Variants in TBPL1 observed in about 807,000 individuals in gnomAD.
TBPL1 encodes the protein TATA-box binding protein like 1, also known as TATA box-binding protein-like 1.
Under a neutral mutation model 22.1 loss-of-function variants are expected in TBPL1, and 4 were observed. That is an observed-to-expected ratio of 0.18 (90% CI 0.09 to 0.41). TBPL1 has a LOEUF of 0.41. TBPL1 is among the 10% of genes least tolerant of loss of function. The probability of loss-of-function intolerance (pLI) is 1.00; values close to 1 mark genes in which losing one functional copy is unlikely to be tolerated. For synonymous variants in TBPL1, 64 were observed against 71.0 expected (o/e 0.90, Z 0.50); for missense variants, 115 against 222.3 (o/e 0.52, Z 3.07).
At chr6:133,975,003 T>C (rs1358481903) in intron 1 of TBPL1, among the ~76,000 whole-genome samples, 14 of 152,110 alleles carry the variant, frequency 9.2e-5, no homozygotes, top group Admixed American at 9.2e-4. Context: ...GAAAAGACAG[T>C]TAAAAACTAA....
chr6:133,974,386 T>A (rs867545578), intron 1 of TBPL1, among the ~76,000 whole-genome samples: 2 of 152,216 alleles, frequency 1.3e-5, no homozygotes, highest in Admixed American at 6.5e-5. Flanking sequence ...CAGGTTGGAG[T>A]GCAGTGGCGC....
At position 133,987,551 on chromosome 6, in the gene TBPL1, ACTT is replaced by A. The variant is rs1313872290; in HGVS notation, c.*515_*517del. 6.6e-6 allele frequency: 1 copy of A among 152,084 alleles called. No individual in the cohort carries two copies. The highest frequency in any genetic ancestry group is 6.6e-5 in the Admixed American group (1 of 15,192). 9.4% of individuals were successfully genotyped at this position (152,084 alleles called of 1,614,324 possible). ...CTATTTTAACAAAAATTGTATTCAT[ACTT>A]CTTTTTTTTAAAATCTATGCAAGCT... On this transcript the variant is annotated 3_prime_UTR_variant, in exon 7 of 7. Transcript: ENST00000237264.
chr6:133,981,989 A>AT (rs1776421754), intron 2 of TBPL1, among the ~76,000 whole-genome samples: 1 of 152,220 alleles, frequency 6.6e-6, no homozygotes, highest in African/African-American at 2.4e-5. Flanking sequence ...GAACTTGAGT[A>AT]TGTAATAAGC....
intron 1 of TBPL1, among the ~76,000 whole-genome samples, chr6:133,977,292 T>C (rs538033827): frequency 7.2e-5 from 11 of 152,326 alleles, no homozygotes; most frequent in East Asian, 3.9e-4. Context: ...ATTATAAAAA[T>C]ATGAATACTT....
In TBPL1 at chr6:133,984,485, T is replaced by G; in HGVS notation, c.386+6T>G. On this transcript the variant is annotated splice_donor_region_variant and intron_variant, in intron 5 of 6. Transcript: ENST00000237264. ...AACAATAGACCTCATGCCAGGTAAG[T>G]CTTTGAAGCAATTTATCTTGAGAAA... 1 of 1,613,200 alleles carries G rather than the reference T, an allele frequency of 6.2e-7. No homozygotes were observed. The highest frequency in any genetic ancestry group is 8.5e-7 in the Non-Finnish European group (1 of 1,179,520).
chr6:133,955,003 AGT>A (rs1346323204), intron 1 of TBPL1, among the ~76,000 whole-genome samples: 2 of 152,186 alleles, frequency 1.3e-5, no homozygotes, highest in Admixed American at 1.3e-4. Context: ...CAGGATGCAA[AGT>A]GTGAACATTG....
chr6:133,955,271 G>A (rs1026054739), intron 1 of TBPL1, among the ~76,000 whole-genome samples: 1 of 149,454 alleles, frequency 6.7e-6, no homozygotes, highest in African/African-American at 2.5e-5. Flanking sequence ...GTTTGAGTGA[G>A]GGTCAAGCCC....
chr6:133,979,773 A>G (rs1180806479), intron 1 of TBPL1, among the ~76,000 whole-genome samples: 1 of 151,948 alleles, frequency 6.6e-6, no homozygotes, highest in Non-Finnish European at 1.5e-5. Context: ...CAGCCTCCCT[A>G]GTAGCTGGGA....
Position 133,960,351 on chromosome 6 carries a change from A to T in TBPL1, c.-45+6926A>T, listed in dbSNP as rs149743102. On this transcript the variant is annotated intron_variant, in intron 1 of 6. Coordinates refer to ENST00000237264, the MANE Select transcript of TBPL1 (RefSeq NM_004865.4). ...GGATGCTGAGTGGCTCAACAGATTA[A>T]AAAGCTATATTGCTAATGGAAATCT... Among the ~76,000 whole-genome samples, 1,272 of 152,052 alleles carry T rather than the reference A, an allele frequency of 8.4e-3. 37 individuals carry two copies. Among genetic ancestry groups the T allele is most frequent in the Admixed American group, 0.062 (942 of 15,272 alleles).
chr6:133,964,261 C>T (rs972491005), intron 1 of TBPL1, among the ~76,000 whole-genome samples: 6 of 152,038 alleles, frequency 3.9e-5, no homozygotes, highest in Admixed American at 6.6e-5. Flanking sequence ...TTTTGAGTGA[C>T]GCACCCTTCA....
At chr6:133,972,589 A>C (rs1246791704) in intron 1 of TBPL1, among the ~76,000 whole-genome samples, 3 of 152,194 alleles carry the variant, frequency 2.0e-5, no homozygotes, top group Non-Finnish European at 4.4e-5. Flanking sequence ...ACACACGGGC[A>C]TGGCTGTGTT....
chr6:133,986,083 A>G (rs926154724), intron 6 of TBPL1: 7 of 152,356 alleles, frequency 4.6e-5, no homozygotes, highest in Non-Finnish European at 8.8e-5. Flanking sequence ...GATCAGGAAT[A>G]GCCTATGAAA....
chr6:133,959,483 C>T (rs1775984348), intron 1 of TBPL1, among the ~76,000 whole-genome samples: 2 of 151,894 alleles, frequency 1.3e-5, no homozygotes, highest in South Asian at 4.2e-4. Context: ...TTCTTTCTTT[C>T]TTTTTGTTTT....
Position 133,982,522 on chromosome 6 carries a change from G to A in TBPL1, c.136-46G>A, listed in dbSNP as rs1230588924. On this transcript the variant is annotated intron_variant, in intron 2 of 6. Transcript: ENST00000237264. ...ATGACTATATAGAACAGAACCTTAT[G>A]TGAAAAATAATGCTTATGAGGTAAT... 7.7e-6 allele frequency: 12 copies of A among 1,552,616 alleles called. No homozygotes were observed. In the Middle Eastern group the frequency reaches 5.1e-4, roughly 66 times the overall value.
chr6:133,988,775 G>A lies in TBPL1; in HGVS notation c.*1735G>A, dbSNP rs1390331954. The A allele has an allele frequency of 4.0e-5, 6 of 151,574 alleles. No individual in the cohort carries two copies. The highest frequency in any genetic ancestry group is 1.5e-4 in the African/African-American group (6 of 41,212). The allele number at this position is 151,574 out of a possible 1,614,324, so 9.4% of individuals were successfully genotyped here. A position where few individuals can be genotyped will look rare whatever the true frequency, so the allele number is the denominator to read the frequency against. ...TTTCCTTTATTTTAAGATTCAGTAG[G>A]ATAGCCAAATTCATAGAGAATAAAA... On this transcript the variant is annotated 3_prime_UTR_variant, in exon 7 of 7. Transcript: ENST00000237264.
intron 1 of TBPL1, among the ~76,000 whole-genome samples, chr6:133,970,920 A>C (rs1161647975): frequency 6.6e-6 from 1 of 152,212 alleles, no homozygotes; most frequent in Non-Finnish European, 1.5e-5. Context: ...CTGTCACCTC[A>C]TGAATTTATC....
At chr6:133,971,143 A>C (rs1172447069) in intron 1 of TBPL1, among the ~76,000 whole-genome samples, 3 of 150,636 alleles carry the variant, frequency 2.0e-5, no homozygotes, top group African/African-American at 7.3e-5. Context: ...TTCGATGATA[A>C]CACTTTTTTT....
chr6:133,954,408 G>T (rs1327236406), intron 1 of TBPL1, among the ~76,000 whole-genome samples: 1 of 152,206 alleles, frequency 6.6e-6, no homozygotes, highest in Non-Finnish European at 1.5e-5. Context: ...GCATAATTTC[G>T]CAGTCTCTTT....
intron 2 of TBPL1, among the ~76,000 whole-genome samples, chr6:133,982,302 T>C (rs1776428889): frequency 6.6e-6 from 1 of 152,234 alleles, no homozygotes. Flanking sequence ...GAATTGTTTA[T>C]ATACTTGGAG....
Sources: gnomAD v4.1 joint callset for allele counts (sites outside exome capture counted in the v4.1 genomes callset) on GRCh38, gnomAD v4.1.1 for gene constraint, MANE v1.5 for transcripts, NCBI Gene and HGNC (gene_info 2026-07-23, HGNC 2026-07-21) for gene names.